Variants in SOX5 observed in about 807,000 individuals in gnomAD.
The protein encoded by SOX5 is SRY-box transcription factor 5.
Under a neutral mutation model 92.0 loss-of-function variants are expected in SOX5, and 9 were observed. The ratio of observed to expected loss-of-function variants is 0.10; its 90% CI spans 0.06 to 0.17. The LOEUF (loss-of-function observed/expected upper bound fraction) is 0.17, where lower values mean the gene tolerates loss of function less well. Ranked by LOEUF, SOX5 falls within the 10% of genes least tolerant of loss-of-function variation. SOX5 has a pLI of 1.00. For missense variants in SOX5, 642 were observed against 944.5 expected (o/e 0.68, Z 4.20); for synonymous variants, 344 against 336.3 (o/e 1.02, Z -0.25).
intron 1 of SOX5, among the ~76,000 whole-genome samples, chr12:24,399,063 C>T (rs1280175019): frequency 6.6e-6 from 1 of 152,162 alleles, no homozygotes; most frequent in Non-Finnish European, 1.5e-5. Flanking sequence ...TGGACCCCCA[C>T]CAAAAACGGC....
rs191988407 is a variant in SOX5, at chr12:24,102,338, A to G, written c.-2+111005T>C. Among the ~76,000 whole-genome samples, 11 of 152,298 alleles carry G rather than the reference A, an allele frequency of 7.2e-5. No homozygotes were observed. The East Asian group carries it at 2.1e-3, about 29-fold the overall frequency. ...AACCAACTAGTAAATTTGCAATAAC[A>G]CCATTTGTTTCCCTGGAAAATGTCT... On this transcript the variant is annotated intron_variant, in intron 4 of 4. Transcript: ENST00000446891.
chr12:24,260,769 T>C (rs1270004431), intron 3 of SOX5, among the ~76,000 whole-genome samples: 2 of 152,162 alleles, frequency 1.3e-5, no homozygotes, highest in Admixed American at 6.5e-5. Context: ...TAACAGTCAG[T>C]CTTACCAATT....
At chr12:23,759,823 T>C (rs866626273) in intron 3 of SOX5, among the ~76,000 whole-genome samples, 42 of 152,234 alleles carry the variant, frequency 2.8e-4, no homozygotes, top group African/African-American at 9.6e-4. Context: ...AAATATTTAA[T>C]TTTCTAAAAT....
At chr12:24,332,750 A>T (rs1364189761) in intron 2 of SOX5, among the ~76,000 whole-genome samples, 2 of 150,770 alleles carry the variant, frequency 1.3e-5, no homozygotes, top group Non-Finnish European at 3.0e-5. Flanking sequence ...GAACGTAGTG[A>T]CCATTTGAAA....
At chr12:24,441,705 G>A (rs1440467088) in intron 1 of SOX5, among the ~76,000 whole-genome samples, 1 of 152,110 alleles carries the variant, frequency 6.6e-6, no homozygotes, top group Non-Finnish European at 1.5e-5. Flanking sequence ...GATAAACAAT[G>A]GGGGGAAAAA....
chr12:24,528,836 G>C (rs1013301293), intron 1 of SOX5, among the ~76,000 whole-genome samples: 3 of 152,170 alleles, frequency 2.0e-5, no homozygotes, highest in African/African-American at 7.2e-5. Context: ...TTAAAGAAAA[G>C]TCTGCAAAAC....
intron 7 of SOX5, among the ~76,000 whole-genome samples, chr12:23,664,165 A>G (rs1022058433): frequency 1.3e-5 from 2 of 152,158 alleles, no homozygotes; most frequent in Admixed American, 6.6e-5. Context: ...GAAAGATTTA[A>G]AGACGAGAAA....
chr12:24,488,761 A>C (rs1333967151), intron 1 of SOX5, among the ~76,000 whole-genome samples: 2 of 152,162 alleles, frequency 1.3e-5, no homozygotes, highest in Non-Finnish European at 2.9e-5. Flanking sequence ...AGACTCTTAA[A>C]ACCATCCAGT....
intron 2 of SOX5, among the ~76,000 whole-genome samples, chr12:23,861,780 C>G (rs1175657466): frequency 2.6e-5 from 4 of 152,142 alleles, no homozygotes; most frequent in African/African-American, 9.7e-5. Flanking sequence ...ACTGCTATGC[C>G]TACCAGCTTT....
At chr12:24,159,277 C>A (rs756457661) in intron 4 of SOX5, among the ~76,000 whole-genome samples, 3 of 151,828 alleles carry the variant, frequency 2.0e-5, no homozygotes, top group Non-Finnish European at 4.4e-5. Context: ...AAATTCAAGG[C>A]CAGAAGTTAA....
intron 1 of SOX5, among the ~76,000 whole-genome samples, chr12:24,503,021 G>T (rs1005879252): frequency 1.3e-5 from 2 of 152,318 alleles, no homozygotes; most frequent in South Asian, 4.1e-4. Flanking sequence ...AGATGCAACA[G>T]CTAAATGCAC....
At chr12:23,935,313 A>C (rs1252420683) in intron 1 of SOX5, among the ~76,000 whole-genome samples, 1 of 151,228 alleles carries the variant, frequency 6.6e-6, no homozygotes, top group Non-Finnish European at 1.5e-5. Flanking sequence ...ACCATTATTT[A>C]CCAATTCATC....
chr12:24,545,064 C>T (rs182065251), intron 1 of SOX5, among the ~76,000 whole-genome samples: 15 of 152,216 alleles, frequency 9.9e-5, no homozygotes, highest in African/African-American at 2.2e-4. Context: ...CTGACTTAGA[C>T]GTCCACCTGG....
rs75365954 is a variant in SOX5, at chr12:24,463,731, T to C, written c.-250-95092A>G. 6.8e-4 allele frequency among the ~76,000 whole-genome samples: 103 copies of C among 152,334 alleles called. 1 individual carries two copies. The East Asian group carries it at 0.017, about 26-fold the overall frequency. Reference sequence around the variant, plus strand: ...TGGTTAAGATAGCAAATTGATTTCTTCAATAAACTAGTGCTCTCATTCACT... The same window carrying C: ...TGGTTAAGATAGCAAATTGATTTCTCCAATAAACTAGTGCTCTCATTCACT... On this transcript the variant is annotated intron_variant, in intron 1 of 4. Coordinates refer to the SOX5 transcript ENST00000446891.
intron 9 of SOX5, among the ~76,000 whole-genome samples, chr12:23,600,514 G>T (rs1336635060): frequency 9.9e-5 from 4 of 40,404 alleles, no homozygotes; most frequent in South Asian, 6.2e-4. Context: ...ACCATGGCGG[G>T]GGGGGTGCAT....
At chr12:24,290,058 C>A (rs972607563) in intron 2 of SOX5, among the ~76,000 whole-genome samples, 1 of 152,154 alleles carries the variant, frequency 6.6e-6, no homozygotes, top group African/African-American at 2.4e-5. Flanking sequence ...CCTTTGTCTG[C>A]GATCCAAAAG....
intron 1 of SOX5, among the ~76,000 whole-genome samples, chr12:24,440,990 T>C (rs758732481): frequency 8.5e-5 from 13 of 152,180 alleles, no homozygotes; most frequent in South Asian, 4.1e-4. Flanking sequence ...GGTTCATGCA[T>C]TCTCCTCTTA....
chr12:23,867,194 T>C (rs1322171483), intron 2 of SOX5, among the ~76,000 whole-genome samples: 2 of 152,168 alleles, frequency 1.3e-5, no homozygotes, highest in Non-Finnish European at 2.9e-5. Flanking sequence ...CACATTTCCA[T>C]CTCATGGAAG....
intron 8 of SOX5, among the ~76,000 whole-genome samples, chr12:23,639,251 C>T (rs1189578930): frequency 6.6e-6 from 1 of 152,050 alleles, no homozygotes; most frequent in Non-Finnish European, 1.5e-5. Flanking sequence ...TAAAAATTAG[C>T]ATCAAATATT....
Sources: gnomAD v4.1 joint callset for allele counts (sites outside exome capture counted in the v4.1 genomes callset) on GRCh38, gnomAD v4.1.1 for gene constraint, MANE v1.5 for transcripts, NCBI Gene and HGNC (gene_info 2026-07-23, HGNC 2026-07-21) for gene names.